DNAI7: variants seen among roughly 807,000 people sequenced by gnomAD.
DNAI7 encodes the protein dynein axonemal intermediate chain 7.
Under a neutral mutation model 86.6 loss-of-function variants are expected in DNAI7, and 78 were observed. That is an observed-to-expected ratio of 0.90 (90% confidence interval 0.75 to 1.09). DNAI7 has a LOEUF of 1.09. Among genes scored for constraint, DNAI7 ranks in the 50% least tolerant of loss-of-function variants. The probability of loss-of-function intolerance (pLI) is 0.00; values close to 1 mark genes in which losing one functional copy is unlikely to be tolerated. For missense variants in DNAI7, 753 were observed against 810.2 expected (o/e 0.93, Z 0.86); for synonymous variants, 274 against 273.0 (o/e 1.00, Z -0.04).
intron 9 of DNAI7, among the ~76,000 whole-genome samples, chr12:25,142,883 A>T (rs1944375045): frequency 6.6e-6 from 1 of 152,168 alleles, no homozygotes; most frequent in South Asian, 2.1e-4. Flanking sequence ...GCTAAGTCAC[A>T]TGGTCATGCC....
intron 2 of DNAI7, among the ~76,000 whole-genome samples, chr12:25,161,744 AATG>A (rs1356520717): frequency 6.6e-6 from 1 of 152,202 alleles, no homozygotes; most frequent in African/African-American, 2.4e-5. Context: ...AGAAGAGGGA[AATG>A]CAGGTACAAG....
At chr12:25,180,379 A>T (rs1949387822) in intron 2 of DNAI7, among the ~76,000 whole-genome samples, 1 of 152,194 alleles carries the variant, frequency 6.6e-6, no homozygotes, top group Non-Finnish European at 1.5e-5. Flanking sequence ...CAATCTACAG[A>T]TTCAATGCAA....
At chr12:25,157,363 T>C (rs1208702972) in intron 4 of DNAI7, among the ~76,000 whole-genome samples, 1 of 152,102 alleles carries the variant, frequency 6.6e-6, no homozygotes, top group African/African-American at 2.4e-5. Context: ...ATATTACTTT[T>C]TTTCAATTGC....
intron 11 of DNAI7, among the ~76,000 whole-genome samples, chr12:25,120,586 C>A (rs966313027): frequency 1.3e-5 from 2 of 151,390 alleles, no homozygotes; most frequent in African/African-American, 4.8e-5. Context: ...ATTAGCCGGG[C>A]GTGGTAGCGG....
At chr12:25,112,873 T>G (rs551051363) in intron 13 of DNAI7, among the ~76,000 whole-genome samples, 7 of 152,326 alleles carry the variant, frequency 4.6e-5, no homozygotes, top group African/African-American at 1.4e-4. Context: ...ATGTGCTAAT[T>G]TGGACTAGTC....
At chr12:25,168,764 G>A (rs912693101) in intron 2 of DNAI7, among the ~76,000 whole-genome samples, 16 of 152,248 alleles carry the variant, frequency 1.1e-4, no homozygotes, top group South Asian at 6.2e-4. Context: ...CTAATTAGAT[G>A]TCCTAGGTCC....
intron 9 of DNAI7, among the ~76,000 whole-genome samples, chr12:25,134,532 T>G (rs554101718): frequency 6.6e-6 from 1 of 151,966 alleles, no homozygotes; most frequent in Non-Finnish European, 1.5e-5. Flanking sequence ...AATTTTTGTA[T>G]TTTTAATAGA....
intron 9 of DNAI7, among the ~76,000 whole-genome samples, chr12:25,137,603 G>T (rs747246775): frequency 6.6e-6 from 1 of 152,046 alleles, no homozygotes; most frequent in Non-Finnish European, 1.5e-5. Flanking sequence ...CAGAACCACA[G>T]AATGGATAAG....
chr12:25,183,315 A>C (rs1489864265), intron 2 of DNAI7, among the ~76,000 whole-genome samples: 1 of 151,942 alleles, frequency 6.6e-6, no homozygotes, highest in Non-Finnish European at 1.5e-5. Context: ...ACCAGAAGCC[A>C]AAATCCCAGC....
intron 13 of DNAI7, among the ~76,000 whole-genome samples, chr12:25,113,938 G>GTT (rs112532652): frequency 0.09 from 7,338 of 81,154 alleles, 679 homozygotes; most frequent in South Asian, 0.13. Context: ...TTCTTTCTGG[G>GTT]TTTTTTTTTT....
chr12:25,162,029 T>C (rs1321621213), intron 2 of DNAI7, among the ~76,000 whole-genome samples: 1 of 152,178 alleles, frequency 6.6e-6, no homozygotes, highest in African/African-American at 2.4e-5. Context: ...ATTCAATAAA[T>C]TGAAGTCCTG....
chr12:25,193,436 C>T (rs1950717698), intron 1 of DNAI7, among the ~76,000 whole-genome samples: 1 of 152,224 alleles, frequency 6.6e-6, no homozygotes, highest in Non-Finnish European at 1.5e-5. Context: ...CTAAGGCCCT[C>T]AGAGGTATCA....
At chr12:25,162,465 GA>G (rs2141041660) in intron 2 of DNAI7, among the ~76,000 whole-genome samples, 1 of 152,324 alleles carries the variant, frequency 6.6e-6, no homozygotes, top group South Asian at 2.1e-4. Context: ...CAATTTCTGT[GA>G]TAACGACCTC....
At chr12:25,161,720 G>A (rs1016393180) in intron 2 of DNAI7, among the ~76,000 whole-genome samples, 1 of 152,178 alleles carries the variant, frequency 6.6e-6, no homozygotes, top group Non-Finnish European at 1.5e-5. Flanking sequence ...TTACCATTCA[G>A]AGAAGATATT....
chr12:25,158,408 A>G (rs376131962), intron 4 of DNAI7, 64 bp downstream of exon 4: 1 of 1,322,284 alleles, frequency 7.6e-7, no homozygotes, highest in South Asian at 1.2e-5. Flanking sequence ...AGGACATTAA[A>G]TGACAATAAA....
At chr12:25,140,815 A>G (rs1276739802) in intron 9 of DNAI7, among the ~76,000 whole-genome samples, 2 of 152,212 alleles carry the variant, frequency 1.3e-5, no homozygotes, top group African/African-American at 2.4e-5. Context: ...AAACTATACT[A>G]TTAAGCTATA....
intron 9 of DNAI7, among the ~76,000 whole-genome samples, chr12:25,137,330 T>C (rs890488612): frequency 5.3e-5 from 8 of 152,098 alleles, no homozygotes; most frequent in Non-Finnish European, 1.2e-4. Context: ...GACAAACAAA[T>C]GCTAAGAGAA....
At position 25,142,475 on chromosome 12, in the gene DNAI7, T is replaced by C. The variant is rs1455451314; in HGVS notation, c.1002+1890A>G. ...ATCCATGTAACCAAATGCCACCTGT[T>C]CCCCAAAAACCTTTTGAAATAAAAA... On this transcript the variant is annotated intron_variant, in intron 9 of 15. Coordinates refer to ENST00000395987, the MANE Select transcript of DNAI7 (RefSeq NM_018272.5). 2.0e-5 allele frequency among the ~76,000 whole-genome samples: 3 copies of C among 151,218 alleles called. No homozygotes were observed. In the East Asian group the frequency reaches 5.8e-4, roughly 29 times the overall value.
chr12:25,162,346 A>T (rs1265363312), intron 2 of DNAI7, among the ~76,000 whole-genome samples: 1 of 152,236 alleles, frequency 6.6e-6, no homozygotes, highest in East Asian at 1.9e-4. Flanking sequence ...AATAATTTAC[A>T]TATAATTAGT....
Sources: allele counts gnomAD v4.1 joint callset (sites outside exome capture counted in the v4.1 genomes callset), GRCh38; gene constraint gnomAD v4.1.1; transcripts MANE v1.5; gene names NCBI Gene and HGNC (gene_info 2026-07-23, HGNC 2026-07-21).